Variants in TYW1B observed in about 807,000 individuals in gnomAD.
TYW1B encodes the protein tRNA-yW synthesizing protein 1 homolog B, also known as S-adenosyl-L-methionine-dependent tRNA 4-demethylwyosine synthase TYW1B.
A neutral mutation model predicts 86.9 loss-of-function variants in TYW1B; 73 were observed. The observed-to-expected ratio is 0.84, with a 90% CI of 0.70 to 1.02. The LOEUF is 1.02. Ranked by LOEUF, TYW1B falls within the 50% of genes least tolerant of loss-of-function variation. The probability of loss-of-function intolerance (pLI) is 0.00; values close to 1 mark genes in which losing one functional copy is unlikely to be tolerated. For synonymous variants in TYW1B, 248 were observed against 292.8 expected (o/e 0.85, Z 1.56); for missense variants, 637 against 827.4 (o/e 0.77, Z 2.82).
intron 7 of TYW1B, among the ~76,000 whole-genome samples, chr7:72,750,260 A>C (rs926400288): frequency 6.6e-6 from 1 of 152,120 alleles, no homozygotes; most frequent in African/African-American, 2.4e-5. Flanking sequence ...TGCTAGCAAC[A>C]AATTCTTTCC....
chr7:72,620,046 A>G (rs2844110), intron 12 of TYW1B, among the ~76,000 whole-genome samples: 1 of 152,050 alleles, frequency 6.6e-6, no homozygotes, highest in Non-Finnish European at 1.5e-5. Context: ...CATTCCTTAC[A>G]ACTCTATGAT....
chr7:72,676,797 A>G (rs1554447516), intron 11 of TYW1B, among the ~76,000 whole-genome samples: 3 of 152,112 alleles, frequency 2.0e-5, no homozygotes, highest in Non-Finnish European at 4.4e-5. Context: ...CATCTCTACT[A>G]AAATACAAAA....
chr7:72,661,736 A>C (rs545393992), intron 11 of TYW1B, among the ~76,000 whole-genome samples: 12 of 151,984 alleles, frequency 7.9e-5, no homozygotes, highest in Admixed American at 4.6e-4. Flanking sequence ...CCTATCACAC[A>C]GATGTTGTAG....
At chr7:72,774,149 TG>T (rs1211966045) in intron 7 of TYW1B, among the ~76,000 whole-genome samples, 6 of 151,090 alleles carry the variant, frequency 4.0e-5, no homozygotes, top group African/African-American at 1.2e-4. Flanking sequence ...AGGGAAGGAC[TG>T]GGGGTAATGC....
intron 11 of TYW1B, among the ~76,000 whole-genome samples, chr7:72,677,997 C>A (rs1813775390): frequency 6.6e-6 from 1 of 152,150 alleles, no homozygotes; most frequent in Non-Finnish European, 1.5e-5. Flanking sequence ...CCACCGCACC[C>A]AGCACCTTTT....
At position 72,662,219 on chromosome 7, in the gene TYW1B, G is replaced by C. The variant is rs532491719; in HGVS notation, c.1506+32468C>G. On this transcript the variant is annotated intron_variant, in intron 11 of 13. Transcript: ENST00000620995. ...TTCATAAGCCAGGAGAAGAAAAGAA[G>C]GGAAATGTGCTTTCTGGTGATATAA... Among the ~76,000 whole-genome samples, 26 of 152,322 alleles carry C rather than the reference G, an allele frequency of 1.7e-4. No individual in the cohort carries two copies. In the East Asian group the frequency reaches 3.1e-3, roughly 18 times the overall value.
chr7:72,701,238 T>C (rs1225303121), intron 10 of TYW1B, among the ~76,000 whole-genome samples: 1 of 152,134 alleles, frequency 6.6e-6, no homozygotes, highest in East Asian at 1.9e-4. Flanking sequence ...GTATATCTTG[T>C]CAGTTTCTTT....
At chr7:72,772,834 T>C (rs548441667) in intron 7 of TYW1B, among the ~76,000 whole-genome samples, 12 of 152,344 alleles carry the variant, frequency 7.9e-5, no homozygotes, top group African/African-American at 2.9e-4. Context: ...AACATCCATA[T>C]TCACACTGTG....
At position 72,702,729 on chromosome 7, in the gene TYW1B, T is replaced by C. The variant is rs563236179; in HGVS notation, c.1371-7907A>G. Among the ~76,000 whole-genome samples, 1,220 of 152,130 alleles carry C rather than the reference T, an allele frequency of 8.0e-3. 9 individuals are homozygous for C. Among genetic ancestry groups the C allele is most frequent in the African/African-American group, 0.023 (969 of 41,508 alleles). On this transcript the variant is annotated intron_variant, in intron 10 of 13. Coordinates refer to ENST00000620995, the MANE Select transcript of TYW1B (RefSeq NM_001145440.3). ...GGCTAGGGAAAGTGAGAATGGAATATAACAAGTTAACATCACAAAGCTCTT... is the reference window on the plus strand; with the variant it reads ...GGCTAGGGAAAGTGAGAATGGAATACAACAAGTTAACATCACAAAGCTCTT...
intron 5 of TYW1B, among the ~76,000 whole-genome samples, chr7:72,804,771 T>TA (rs1563099852): frequency 6.6e-6 from 1 of 152,040 alleles, no homozygotes; most frequent in Non-Finnish European, 1.5e-5. Context: ...GCCCAGGAGT[T>TA]AGAGGCTGCA....
intron 6 of TYW1B, among the ~76,000 whole-genome samples, chr7:72,792,581 A>G (rs1157478572): frequency 1.3e-5 from 2 of 152,182 alleles, no homozygotes; most frequent in Non-Finnish European, 2.9e-5. Context: ...GCGATTTGGA[A>G]ATATCAAAAC....
At chr7:72,752,760 A>AAACAAACAAAC (rs1787522627) in intron 7 of TYW1B, among the ~76,000 whole-genome samples, 3 of 89,858 alleles carry the variant, frequency 3.3e-5, no homozygotes, top group African/African-American at 7.2e-5. Flanking sequence ...AACAAACAAA[A>AAACAAACAAAC]AAACCTCATC....
At chr7:72,681,794 C>G (rs1813881265) in intron 11 of TYW1B, among the ~76,000 whole-genome samples, 1 of 151,212 alleles carries the variant, frequency 6.6e-6, no homozygotes, top group Non-Finnish European at 1.5e-5. Context: ...ACCGTGTTAG[C>G]CAGGATGGTC....
At chr7:72,813,164 ACTTCTT>A (rs1302580217) in intron 3 of TYW1B, among the ~76,000 whole-genome samples, 1 of 141,178 alleles carries the variant, frequency 7.1e-6, no homozygotes, top group African/African-American at 2.7e-5. Context: ...AGCTCTACAT[ACTTCTT>A]CTTTTTTTTT....
chr7:72,764,417 G>A (rs758600143), intron 7 of TYW1B, among the ~76,000 whole-genome samples: 11 of 152,126 alleles, frequency 7.2e-5, no homozygotes, highest in Non-Finnish European at 1.5e-4. Context: ...CGAGTAGCTG[G>A]GACTACAGGC....
At chr7:72,817,395 G>A (rs548410624) in intron 2 of TYW1B, among the ~76,000 whole-genome samples, 13 of 152,092 alleles carry the variant, frequency 8.5e-5, no homozygotes, top group South Asian at 2.1e-4. Context: ...ACAACAGAGC[G>A]AGACTCCATT....
At chr7:72,803,404 C>T (rs1171781796) in intron 5 of TYW1B, among the ~76,000 whole-genome samples, 13 of 152,170 alleles carry the variant, frequency 8.5e-5, no homozygotes, top group African/African-American at 2.9e-4. Context: ...TGGGAAGACA[C>T]ATTTGCTGAG....
intron 11 of TYW1B, among the ~76,000 whole-genome samples, chr7:72,651,215 A>G (rs1370663263): frequency 6.6e-6 from 1 of 152,196 alleles, no homozygotes; most frequent in African/African-American, 2.4e-5. Context: ...AGAGGCAACC[A>G]TTACAAATCA....
intron 13 of TYW1B, among the ~76,000 whole-genome samples, chr7:72,603,894 C>T (rs1355202538): frequency 6.6e-6 from 1 of 151,962 alleles, no homozygotes; most frequent in Non-Finnish European, 1.5e-5. Context: ...TGAGAACTGC[C>T]ACACCAAGAG....
Sources: gnomAD v4.1 joint callset for allele counts (sites outside exome capture counted in the v4.1 genomes callset) on GRCh38, gnomAD v4.1.1 for gene constraint, MANE v1.5 for transcripts, NCBI Gene and HGNC (gene_info 2026-07-23, HGNC 2026-07-21) for gene names.